Variants in UGT2B4 observed in about 807,000 individuals in gnomAD.
UGT2B4 encodes UDP glucuronosyltransferase family 2 member B4.
UGT2B4 carries 49 observed loss-of-function variants against 49.8 expected under a neutral mutation model. That is an observed-to-expected ratio of 0.98 (90% CI 0.78 to 1.25). The LOEUF is 1.25. Ranked by LOEUF, UGT2B4 falls within the 50% of genes most tolerant of loss-of-function variation. UGT2B4 has a pLI of 0.00. For missense variants in UGT2B4, 729 were observed against 627.7 expected (o/e 1.16, Z -1.73); for synonymous variants, 246 against 217.7 (o/e 1.13, Z -1.14).
intron 1 of UGT2B4, among the ~76,000 whole-genome samples, chr4:69,524,341 G>A (rs1418283143): frequency 6.6e-6 from 1 of 151,994 alleles, no homozygotes. Flanking sequence ...CACTTAGAGA[G>A]CTTTGTAAGA....
At position 69,480,812 on chromosome 4, in the gene UGT2B4, T is replaced by A. The variant is rs376320686; in HGVS notation, c.1409A>T (p.His470Leu). 1.4e-5 allele frequency: 23 copies of A among 1,613,944 alleles called. No individual in the cohort carries two copies. The highest frequency in any genetic ancestry group is 1.9e-5 in the Non-Finnish European group (22 of 1,179,836). Residue 470 changes from histidine (H) to leucine (L), a missense_variant, in exon 6 of 6, where the codon CAT becomes CTT. His to Leu is a moderately conservative substitution (Grantham distance 99). Coordinates refer to ENST00000305107, the MANE Select transcript of UGT2B4 (RefSeq NM_021139.3). ...AACCCGAAGGTGCTTGGCTCCTTTA[T>A]GGCGCATGACAAATTCAATCCAGAA... ...AVFWIEFVMR[H>L]KGAKHLRVAA...
At chr4:69,525,726 A>G (rs1728965398) in exon 1 of UGT2B4, 1 of 1,277,484 alleles carries the variant, frequency 7.8e-7, no homozygotes, top group African/African-American at 1.5e-5. Context: ...AGAGCAAAAA[A>G]CATTATGATG....
At chr4:69,496,241 G>T (rs964859278), upstream of UGT2B4, among the ~76,000 whole-genome samples, 1 of 151,362 alleles carries the variant, frequency 6.6e-6, no homozygotes, top group Non-Finnish European at 1.5e-5. Context: ...TCGGCAGGAT[G>T]GTCTCGAACC....
chr4:69,523,971 C>A (rs1466547490), intron 1 of UGT2B4, among the ~76,000 whole-genome samples: 1 of 152,074 alleles, frequency 6.6e-6, no homozygotes, highest in Non-Finnish European at 1.5e-5. Context: ...TAGCTTCCAA[C>A]TTTTTTTCTG....
intron 1 of UGT2B4, among the ~76,000 whole-genome samples, chr4:69,514,493 T>C (rs1184299064): frequency 1.3e-5 from 2 of 152,180 alleles, no homozygotes; most frequent in Non-Finnish European, 2.9e-5. Flanking sequence ...CTTCCAATAC[T>C]ATGTTGTATA....
Position 69,483,650 on chromosome 4 carries a change from A to T in UGT2B4, c.1310+1558T>A, listed in dbSNP as rs937765126. Among the ~76,000 whole-genome samples, 5 of 152,102 alleles carry T rather than the reference A, an allele frequency of 3.3e-5. No individual in the cohort carries two copies. In the South Asian group the frequency reaches 1.0e-3, roughly 32 times the overall value. On this transcript the variant is annotated intron_variant, in intron 5 of 5. Coordinates refer to ENST00000305107, the MANE Select transcript of UGT2B4 (RefSeq NM_021139.3). ...TATCCTTCTATTTTCTTTGTGATAA[A>T]GTACTTTTAAAGTATTCCTTTAGGT...
At chr4:69,518,561 CA>C (rs1577905128) in intron 1 of UGT2B4, among the ~76,000 whole-genome samples, 2 of 152,022 alleles carry the variant, frequency 1.3e-5, no homozygotes, top group African/African-American at 4.8e-5. Context: ...AACAGAAATA[CA>C]ATATGTCAGG....
chr4:69,508,889 T>G (rs1459701592), intron 1 of UGT2B4, among the ~76,000 whole-genome samples: 1 of 152,192 alleles, frequency 6.6e-6, no homozygotes, highest in Non-Finnish European at 1.5e-5. Context: ...TACAATACTG[T>G]TAAGTATAGC....
At chr4:69,502,904 C>A (rs577871156) in intron 1 of UGT2B4, among the ~76,000 whole-genome samples, 9 of 152,276 alleles carry the variant, frequency 5.9e-5, no homozygotes, top group African/African-American at 1.7e-4. Context: ...AAACAGGGAA[C>A]CCCTGGCTTG....
chr4:69,495,211 C>CACATAGATCATA lies in UGT2B4; in HGVS notation c.639_650dup (p.Met214_Val217dup). Reference sequence around the variant, plus strand: ...TTTGGAACCAAAATTCAAAATAAAGCACATAGATCATATTTTTTACCCTCT... The same window carrying CACATAGATCATA: ...TTTGGAACCAAAATTCAAAATAAAGCACATAGATCATAACATAGATCATATTTTTTACCCTCT... On this transcript the variant is annotated inframe_insertion, in exon 1 of 6. Transcript: ENST00000305107. The CACATAGATCATA allele has an allele frequency of 6.2e-7, 1 of 1,604,614 alleles. No homozygotes were observed. The highest frequency in any genetic ancestry group is 2.2e-5 in the East Asian group (1 of 44,734).
chr4:69,489,715 G>GT (rs41297395), intron 2 of UGT2B4, 145 bp from the exon 3 acceptor site: 124,809 of 1,179,850 alleles, frequency 0.11, 7,918 homozygotes, highest in Non-Finnish European at 0.12. Flanking sequence ...CAATTACTCA[G>GT]TTTTTTTTGC....
In UGT2B4 at chr4:69,502,106, T is replaced by TTTCTTTCTTTCTTTCTTTCTTTC. The variant is rs1560439044; in HGVS notation, c.-105-6163_-105-6141dup. On this transcript the variant is annotated intron_variant, in intron 1 of 1. Coordinates refer to the UGT2B4 transcript ENST00000510114. ...TTCTTTCTCTCTCTTTCTTTCTTTC[T>TTTCTTTCTTTCTTTCTTTCTTTC]TTCTTTCTTTCTTTCTTTCTTTCTT... 7.7e-4 allele frequency among the ~76,000 whole-genome samples: 88 copies of TTTCTTTCTTTCTTTCTTTCTTTC among 114,174 alleles called. 1 individual carries two copies. The East Asian group carries it at 0.01, about 13-fold the overall frequency. 74.9% of individuals were successfully genotyped at this position (114,174 alleles called of 152,430 possible). A position where few individuals can be genotyped will look rare whatever the true frequency, so the allele number is the denominator to read the frequency against.
chr4:69,492,313 C>T (rs769252451), intron 2 of UGT2B4, among the ~76,000 whole-genome samples: 11 of 151,980 alleles, frequency 7.2e-5, no homozygotes, highest in South Asian at 2.1e-4. Flanking sequence ...GGGATCTCAA[C>T]GCAGAATGAT....
chr4:69,500,515 G>GGAAA (rs375185779), upstream of UGT2B4, among the ~76,000 whole-genome samples: 29 of 95,366 alleles, frequency 3.0e-4, no homozygotes, highest in Non-Finnish European at 4.0e-4. Context: ...AAGGAAGGAA[G>GGAAA]GAAAGAAAGA....
chr4:69,498,741 T>C (rs967016639), upstream of UGT2B4, among the ~76,000 whole-genome samples: 7 of 152,178 alleles, frequency 4.6e-5, no homozygotes, highest in African/African-American at 1.7e-4. Context: ...TTATTGTGTC[T>C]ATTTGATTCT....
chr4:69,506,403 A>G (rs1379557850), intron 1 of UGT2B4, among the ~76,000 whole-genome samples: 1 of 152,140 alleles, frequency 6.6e-6, no homozygotes, highest in African/African-American at 2.4e-5. Flanking sequence ...AGATTAGCAC[A>G]GACTTGACAG....
In UGT2B4 at chr4:69,480,641, CT is replaced by C. The variant is rs867758927; in HGVS notation, c.1579del (p.Arg527GlufsTer6). 38 of 1,613,734 alleles carry C rather than the reference CT, an allele frequency of 2.4e-5. No homozygotes were observed. The highest frequency in any genetic ancestry group is 3.1e-5 in the Non-Finnish European group (36 of 1,179,812). Reference sequence around the variant, plus strand: ...TTCCAGCCTCAGACGTAATTAATCTCTTTTCCCCTTCTTTCCTGTTCTAACA... The same window carrying C: ...TTCCAGCCTCAGACGTAATTAATCTCTTTCCCCTTCTTTCCTGTTCTAACA... ...KFVRTGKKGKRD is the reference protein window; with the variant it reads ...KFVRTGKKGKXD On this transcript the variant is annotated frameshift_variant, in exon 6 of 6. Coordinates refer to ENST00000305107, the MANE Select transcript of UGT2B4 (RefSeq NM_021139.3). LOFTEE classifies it high-confidence loss of function.
chr4:69,523,522 A>G (rs528972804), intron 1 of UGT2B4, among the ~76,000 whole-genome samples: 1 of 148,298 alleles, frequency 6.7e-6, no homozygotes, highest in Admixed American at 6.7e-5. Flanking sequence ...CTGGGCTTAA[A>G]ATATTCAGTA....
At chr4:69,520,185 A>G (rs576173520) in intron 1 of UGT2B4, among the ~76,000 whole-genome samples, 4 of 152,378 alleles carry the variant, frequency 2.6e-5, no homozygotes, top group Admixed American at 2.0e-4. Flanking sequence ...TATATCACAT[A>G]TACTTGACAC....
Sources: allele counts gnomAD v4.1 joint callset (sites outside exome capture counted in the v4.1 genomes callset), GRCh38; gene constraint gnomAD v4.1.1; transcripts MANE v1.5; gene names NCBI Gene and HGNC (gene_info 2026-07-23, HGNC 2026-07-21).